The following IL1RAPL2 variants were observed in gnomAD, a reference collection of about 807,000 sequenced individuals.
IL1RAPL2 encodes the protein interleukin 1 receptor accessory protein like 2.
IL1RAPL2 carries 3 observed loss-of-function variants against 44.1 expected under a neutral mutation model. That is an observed-to-expected ratio of 0.07 (90% CI 0.03 to 0.18). The LOEUF (loss-of-function observed/expected upper bound fraction) is 0.18. IL1RAPL2 is among the 10% of genes least tolerant of loss of function. IL1RAPL2 has a pLI of 1.00. For missense variants in IL1RAPL2, 391 were observed against 496.4 expected (o/e 0.79, Z 2.02); for synonymous variants, 181 against 178.8 (o/e 1.01, Z -0.10).
Position 104,812,956 on chromosome X carries a change from C to A in IL1RAPL2, c.82+153961C>A, listed in dbSNP as rs771267527. Among the ~76,000 whole-genome samples the A allele has an allele frequency of 6.3e-5, 7 of 111,646 alleles. No individual in the cohort carries two copies. In the South Asian group the frequency reaches 1.9e-3, roughly 30 times the overall value. On this transcript the variant is annotated intron_variant, in intron 2 of 10. Coordinates refer to ENST00000372582, the MANE Select transcript of IL1RAPL2 (RefSeq NM_017416.2). ...TCTTATGTCACTGGACTATGCTAGG[C>A]ACAAAAATTAAGAATTAGCAAAATG... is the stretch of plus-strand genomic sequence containing the variant.
chrX:105,360,036 A>C (rs550192878), intron 5 of IL1RAPL2, among the ~76,000 whole-genome samples: 1 of 110,966 alleles, frequency 9.0e-6, no homozygotes, highest in Non-Finnish European at 1.9e-5. Flanking sequence ...TTTTAAGCCT[A>C]CCTCTTTGTA....
At chrX:105,549,753 C>A (rs1014519319) in intron 6 of IL1RAPL2, among the ~76,000 whole-genome samples, 7 of 111,498 alleles carry the variant, frequency 6.3e-5, no homozygotes, top group Non-Finnish European at 1.3e-4. Flanking sequence ...TGCCAAATTT[C>A]TTCACAGTAT....
At chrX:105,607,118 T>C (rs2037299152) in intron 6 of IL1RAPL2, among the ~76,000 whole-genome samples, 1 of 111,319 alleles carries the variant, frequency 9.0e-6, no homozygotes, top group Admixed American at 9.5e-5. Context: ...TCATTGCACA[T>C]TGTGTGTACC....
At chrX:104,885,322 G>A (rs753250583) in intron 2 of IL1RAPL2, among the ~76,000 whole-genome samples, 8 of 111,465 alleles carry the variant, frequency 7.2e-5, no homozygotes, top group East Asian at 2.8e-4. Flanking sequence ...GACTGGAGTC[G>A]TAAACATCTA....
At chrX:105,659,380 G>A (rs1045489516) in intron 6 of IL1RAPL2, among the ~76,000 whole-genome samples, 6 of 111,260 alleles carry the variant, frequency 5.4e-5, no homozygotes, top group African/African-American at 2.0e-4. Flanking sequence ...GAATAGGGAC[G>A]GGCGCGGTGG....
intron 2 of IL1RAPL2, among the ~76,000 whole-genome samples, chrX:104,743,582 T>C (rs755722903): frequency 5.4e-5 from 6 of 111,283 alleles, no homozygotes; most frequent in Non-Finnish European, 1.1e-4. Context: ...AGAGTTCCTA[T>C]GGTCATTTGG....
At chrX:105,061,688 G>A (rs1336863952) in intron 2 of IL1RAPL2, among the ~76,000 whole-genome samples, 1 of 111,572 alleles carries the variant, frequency 9.0e-6, no homozygotes, top group Non-Finnish European at 1.9e-5. Flanking sequence ...TCTCTCTTCA[G>A]CTCTAATATT....
At chrX:104,836,601 C>G (rs1230556876) in intron 2 of IL1RAPL2, among the ~76,000 whole-genome samples, 3 of 110,506 alleles carry the variant, frequency 2.7e-5, no homozygotes, top group Non-Finnish European at 3.8e-5. Flanking sequence ...GACCTATGGG[C>G]TATGTTTAAA....
chrX:104,583,511 G>C (rs1384099505), intron 1 of IL1RAPL2, among the ~76,000 whole-genome samples: 1 of 111,977 alleles, frequency 8.9e-6, no homozygotes, highest in Non-Finnish European at 1.9e-5. Context: ...GTGGCATTTT[G>C]CATCTAGCTC....
intron 2 of IL1RAPL2, among the ~76,000 whole-genome samples, chrX:104,903,669 C>T (rs781084218): frequency 9.0e-6 from 1 of 110,857 alleles, no homozygotes; most frequent in African/African-American, 3.3e-5. Flanking sequence ...CCTCTGCCTC[C>T]CAGGTTCAAG....
intron 2 of IL1RAPL2, among the ~76,000 whole-genome samples, chrX:105,155,165 A>G (rs1242421429): frequency 9.0e-6 from 1 of 111,282 alleles, no homozygotes; most frequent in Non-Finnish European, 1.9e-5. Flanking sequence ...CTTACCCCCT[A>G]GTGTCTTTCC....
chrX:105,221,378 A>G (rs2033961507), intron 3 of IL1RAPL2, among the ~76,000 whole-genome samples: 1 of 109,233 alleles, frequency 9.2e-6, no homozygotes, highest in Non-Finnish European at 1.9e-5. Context: ...ACGTTAGACA[A>G]CGTTAACAGT....
intron 2 of IL1RAPL2, among the ~76,000 whole-genome samples, chrX:104,863,525 T>G (rs1439996552): frequency 1.8e-5 from 2 of 112,211 alleles, no homozygotes; most frequent in Admixed American, 1.9e-4. Flanking sequence ...TGACAGATTA[T>G]AGAACTAAAT....
rs761361894 is a variant in IL1RAPL2, at chrX:105,476,100, T to G, written c.698-8213T>G. ...ATGGTCAGGTAAGTTGCCCAGCACT[T>G]TCCCAGCAGTTTAACCTCTATTTGG... is the stretch of plus-strand genomic sequence containing the variant. On this transcript the variant is annotated intron_variant, in intron 5 of 10. Transcript: ENST00000372582. 8.9e-5 allele frequency among the ~76,000 whole-genome samples: 10 copies of G among 112,833 alleles called. No individual in the cohort carries two copies. In the South Asian group the frequency reaches 3.6e-3, roughly 41 times the overall value.
At chrX:104,653,610 T>C (rs1930194375) in intron 1 of IL1RAPL2, among the ~76,000 whole-genome samples, 1 of 111,177 alleles carries the variant, frequency 9.0e-6, no homozygotes, top group Non-Finnish European at 1.9e-5. Context: ...ATTGGTTCAT[T>C]GTGCTGGTGG....
intron 1 of IL1RAPL2, among the ~76,000 whole-genome samples, chrX:104,638,104 G>A (rs1929862629): frequency 1.8e-5 from 2 of 110,891 alleles, no homozygotes; most frequent in African/African-American, 6.6e-5. Context: ...AGTTGCATGT[G>A]TCCAGGAACT....
intron 6 of IL1RAPL2, among the ~76,000 whole-genome samples, chrX:105,680,777 C>A (rs1173097515): frequency 9.0e-6 from 1 of 111,446 alleles, no homozygotes; most frequent in Non-Finnish European, 1.9e-5. Flanking sequence ...AGTGTGATAC[C>A]TTTCCTCACC....
intron 10 of IL1RAPL2, among the ~76,000 whole-genome samples, chrX:105,760,101 C>A (rs917544910): frequency 1.8e-5 from 2 of 111,551 alleles, no homozygotes; most frequent in Non-Finnish European, 3.8e-5. Context: ...AACTGTACTT[C>A]AATATGTCCA....
intron 2 of IL1RAPL2, among the ~76,000 whole-genome samples, chrX:104,914,703 C>A (rs939395174): frequency 9.0e-6 from 1 of 110,706 alleles, no homozygotes; most frequent in Non-Finnish European, 1.9e-5. Context: ...TCTCCTAAAG[C>A]TATCCCTCCC....
Sources: gnomAD v4.1 joint callset for allele counts (sites outside exome capture counted in the v4.1 genomes callset) on GRCh38, gnomAD v4.1.1 for gene constraint, MANE v1.5 for transcripts, NCBI Gene and HGNC (gene_info 2026-07-23, HGNC 2026-07-21) for gene names.